The following CACNB2 variants were observed in gnomAD, a reference collection of about 807,000 sequenced individuals.
CACNB2 encodes calcium voltage-gated channel auxiliary subunit beta 2.
CACNB2 carries 42 observed loss-of-function variants against 73.3 expected under a neutral mutation model. The ratio of observed to expected loss-of-function variants is 0.57; its 90% CI spans 0.45 to 0.74. The LOEUF is 0.74. CACNB2 is among the 30% of genes least tolerant of loss of function. CACNB2 has a pLI of 0.00. For synonymous variants in CACNB2, 348 were observed against 310.3 expected, an observed-to-expected ratio of 1.12 and a Z score of -1.28; for missense variants, 940 against 853.0, an observed-to-expected ratio of 1.10 and a Z score of -1.27.
chr10:18,140,753 T>C lies in CACNB2; in HGVS notation c.17T>C (p.Met6Thr). Residue 6 changes from methionine to threonine, a missense_variant, in exon 1 of 14, where the codon ATG becomes ACG. Transcript: ENST00000324631. Reference sequence around the variant, plus strand: ...TTTTCGCCAATGGTCCAAAGGGACATGTCCAAGTCGCCTCCCACAGCGGCG... The same window carrying C: ...TTTTCGCCAATGGTCCAAAGGGACACGTCCAAGTCGCCTCCCACAGCGGCG... The part of the protein sequence containing the change: MVQRD[M>T]SKSPPTAAAA... The C allele has an allele frequency of 6.3e-7, 1 of 1,594,908 alleles. No individual in the cohort carries two copies. The highest frequency in any genetic ancestry group is 1.3e-5 in the African/African-American group (1 of 74,894).
chr10:18,221,281 A>G (rs972402977), intron 2 of CACNB2, among the ~76,000 whole-genome samples: 3 of 152,178 alleles, frequency 2.0e-5, no homozygotes, highest in Non-Finnish European at 4.4e-5. Context: ...ATGGAACAAT[A>G]TGGGAGTTCA....
chr10:18,275,050 T>A (rs1032629710), intron 2 of CACNB2, among the ~76,000 whole-genome samples: 1 of 152,206 alleles, frequency 6.6e-6, no homozygotes, highest in Non-Finnish European at 1.5e-5. Flanking sequence ...TCTGACTTGA[T>A]TGGCTGTTCT....
intron 3 of CACNB2, among the ~76,000 whole-genome samples, chr10:18,459,841 T>C (rs2047470806): frequency 6.6e-6 from 1 of 151,886 alleles, no homozygotes. Context: ...TCTACAGAAA[T>C]ACAAAAATTA....
intron 3 of CACNB2, among the ~76,000 whole-genome samples, chr10:18,480,094 A>T (rs1231339001): frequency 6.6e-6 from 1 of 152,180 alleles, no homozygotes; most frequent in Non-Finnish European, 1.5e-5. Context: ...TTTGGTTCTG[A>T]TGATACTTTC....
chr10:18,292,273 T>C (rs955324872), intron 2 of CACNB2, among the ~76,000 whole-genome samples: 1 of 152,212 alleles, frequency 6.6e-6, no homozygotes, highest in African/African-American at 2.4e-5. Context: ...ATCTAAGTAA[T>C]TGCCCTCAAT....
At chr10:18,208,636 A>G (rs2035194381) in intron 2 of CACNB2, among the ~76,000 whole-genome samples, 1 of 151,950 alleles carries the variant, frequency 6.6e-6, no homozygotes, top group Non-Finnish European at 1.5e-5. Context: ...AAATAAAAAG[A>G]TTGTTTTAAA....
At chr10:18,451,550 T>C (rs1442446905) in intron 3 of CACNB2, among the ~76,000 whole-genome samples, 1 of 152,208 alleles carries the variant, frequency 6.6e-6, no homozygotes, top group Non-Finnish European at 1.5e-5. Flanking sequence ...ATTAGGAAAC[T>C]CAATGTCTTT....
chr10:18,527,331 G>T (rs551986534), intron 9 of CACNB2, among the ~76,000 whole-genome samples: 2 of 151,732 alleles, frequency 1.3e-5, no homozygotes, highest in Non-Finnish European at 2.9e-5. Flanking sequence ...AGCCGAGAAC[G>T]CACCACTGCA....
At chr10:18,261,686 A>G (rs1165372609) in intron 2 of CACNB2, among the ~76,000 whole-genome samples, 2 of 152,152 alleles carry the variant, frequency 1.3e-5, no homozygotes, top group African/African-American at 4.8e-5. Flanking sequence ...TGGGGGGAAG[A>G]AATACCACGG....
chr10:18,437,853 CTTTTAAAGAGTT>C (rs2046214004), intron 3 of CACNB2, among the ~76,000 whole-genome samples: 3 of 152,120 alleles, frequency 2.0e-5, no homozygotes, highest in South Asian at 2.1e-4. Flanking sequence ...ATGGCTAGAT[CTTTTAAAGAGTT>C]TTTGTAATCG....
At chr10:18,220,228 T>TAGAG (rs1399883516) in intron 2 of CACNB2, among the ~76,000 whole-genome samples, 39 of 40,926 alleles carry the variant, frequency 9.5e-4, no homozygotes, top group East Asian at 1.8e-3. Context: ...TATATATATA[T>TAGAG]ATATAGAGAG....
At chr10:18,191,533 A>G (rs1052180722) in intron 2 of CACNB2, among the ~76,000 whole-genome samples, 3 of 152,068 alleles carry the variant, frequency 2.0e-5, no homozygotes, top group Admixed American at 1.3e-4. Context: ...ATTTTGGTAC[A>G]CCATCACCTG....
At chr10:18,151,202 A>G (rs1379627564) in intron 2 of CACNB2, 2 of 475,724 alleles carry the variant, frequency 4.2e-6, no homozygotes, top group East Asian at 3.7e-5. Flanking sequence ...GAAGTGTGGC[A>G]TTCATTACAG....
At chr10:18,261,326 C>T (rs1057524538) in intron 2 of CACNB2, 1 of 1,551,458 alleles carries the variant, frequency 6.4e-7, no homozygotes, top group Non-Finnish European at 8.7e-7. Flanking sequence ...ATGTAAGTTT[C>T]TATTGCTGTA....
intron 3 of CACNB2, among the ~76,000 whole-genome samples, chr10:18,488,103 C>G (rs185200702): frequency 6.6e-6 from 1 of 151,594 alleles, no homozygotes; most frequent in Non-Finnish European, 1.5e-5. Flanking sequence ...GCCACCACAC[C>G]CAGCCATTCA....
chr10:18,332,070 GAGA>G (rs1419949319), intron 2 of CACNB2, among the ~76,000 whole-genome samples: 3 of 152,186 alleles, frequency 2.0e-5, no homozygotes, highest in Non-Finnish European at 4.4e-5. Flanking sequence ...GAGGACGTCT[GAGA>G]TGTGAGTGGA....
chr10:18,481,326 A>G (rs2048762062), intron 3 of CACNB2, among the ~76,000 whole-genome samples: 1 of 131,744 alleles, frequency 7.6e-6, no homozygotes, highest in Admixed American at 8.7e-5. Flanking sequence ...GGCTCACTGC[A>G]ACCTCTGCCT....
At chr10:18,311,854 G>A (rs1231262393) in intron 2 of CACNB2, among the ~76,000 whole-genome samples, 2 of 152,154 alleles carry the variant, frequency 1.3e-5, no homozygotes, top group African/African-American at 2.4e-5. Context: ...TCAGGGAACC[G>A]CCTGGTAGGG....
chr10:18,476,152 C>A (rs1173301315), intron 3 of CACNB2, among the ~76,000 whole-genome samples: 1 of 152,156 alleles, frequency 6.6e-6, no homozygotes, highest in East Asian at 1.9e-4. Flanking sequence ...GGTTCCTCCC[C>A]CTTTTAGACT....
Sources: gnomAD v4.1 joint callset for allele counts (sites outside exome capture counted in the v4.1 genomes callset) on GRCh38, gnomAD v4.1.1 for gene constraint, MANE v1.5 for transcripts, NCBI Gene and HGNC (gene_info 2026-07-23, HGNC 2026-07-21) for gene names.